The following SLC12A7 variants were observed in gnomAD, a reference collection of about 807,000 sequenced individuals.
SLC12A7 encodes the protein K-Cl cotransporter 4.
SLC12A7 carries 100 observed loss-of-function variants against 120.6 expected under a neutral mutation model. That is an observed-to-expected ratio of 0.83 (90% CI 0.71 to 0.98). The LOEUF (loss-of-function observed/expected upper bound fraction) is 0.98. SLC12A7 is among the 50% of genes least tolerant of loss of function. SLC12A7 has a pLI of 0.00. For missense variants in SLC12A7, 1,373 were observed against 1,548.1 expected (o/e 0.89, Z 1.90); for synonymous variants, 760 against 678.0 (o/e 1.12, Z -1.88).
intron 18 of SLC12A7, among the ~76,000 whole-genome samples, chr5:1,064,534 G>A (rs189700693): frequency 4.5e-4 from 68 of 152,364 alleles, no homozygotes; most frequent in Admixed American, 1.3e-3. Context: ...CAGGGCCAGG[G>A]CCTTCGACAG....
At chr5:1,116,998 G>A (rs1443395027), upstream of SLC12A7, among the ~76,000 whole-genome samples, 1 of 152,194 alleles carries the variant, frequency 6.6e-6, no homozygotes, top group Non-Finnish European at 1.5e-5. Context: ...ACGTCATAAA[G>A]AGCTGGGTTT....
chr5:1,065,449 C>G lies in SLC12A7; in HGVS notation c.2271G>C (p.Lys757Asn). 6.2e-7 allele frequency: 1 copy of G among 1,606,578 alleles called. No individual in the cohort carries two copies. The highest frequency in any genetic ancestry group is 8.5e-7 in the Non-Finnish European group (1 of 1,176,350). ...ENIRSLMSTE[K>N]TKGFCQLVVS... ...CCACCAGCTGGCAGAAGCCCTTGGT[C>G]TTCTCTGTGCTCATTAGGGACCGTA... The change falls in exon 18 of 24, where the codon AAG becomes AAC. Residue 757 changes from lysine (K) to asparagine (N), a missense_variant. By Grantham distance (94) the Lys-to-Asn change is moderately conservative (BLOSUM62 0). Coordinates refer to ENST00000264930, the MANE Select transcript of SLC12A7 (RefSeq NM_006598.3).
In SLC12A7 at chr5:1,081,658, C is replaced by T. The variant is rs1178287747; in HGVS notation, c.1216G>A (p.Ala406Thr). The stretch of plus-strand genomic sequence containing the variant: ...GTGAGCACGTAGGGCAGTGCGCTGG[C>T]ACGGCTCTCCTCTGCCACGGGCACC... Reference protein sequence around the residue: ...PSVPVAEESRASALPYVLTDI... With the variant: ...PSVPVAEESRTSALPYVLTDI... Residue 406 changes from alanine (A) to threonine (T), a missense_variant, in exon 9 of 24, where the codon GCC becomes ACC. Transcript: ENST00000264930. 4 of 1,613,156 alleles carry T rather than the reference C, an allele frequency of 2.5e-6. No homozygotes were observed. The South Asian group carries it at 3.3e-5, about 13-fold the overall frequency.
chr5:1,086,608 C>A (rs1457820886), intron 6 of SLC12A7, among the ~76,000 whole-genome samples: 1 of 152,252 alleles, frequency 6.6e-6, no homozygotes, highest in Non-Finnish European at 1.5e-5. Flanking sequence ...GCTCCGACTG[C>A]AGGACTGCAC....
intron 20 of SLC12A7, among the ~76,000 whole-genome samples, chr5:1,060,941 G>C (rs1417025138): frequency 6.6e-6 from 1 of 151,990 alleles, no homozygotes; most frequent in Non-Finnish European, 1.5e-5. Flanking sequence ...GGACCCCTGC[G>C]CCTCACCCGG....
Position 1,111,957 on chromosome 5 carries a change from G to T in SLC12A7, c.35C>A (p.Ala12Asp). ...CTCGTCCCCGCCGCCGTCGGCGTGA[G>T]CCTCCACGGGCACCACGGTGAAGTT... The part of the protein sequence containing the change: ...PTNFTVVPVE[A>D]HADGGGDETA... Residue 12 changes from alanine to aspartate, a missense_variant, in exon 1 of 24, where the codon GCT becomes GAT. Transcript: ENST00000264930. The T allele has an allele frequency of 1.5e-6, 2 of 1,292,274 alleles. No homozygotes were observed. The highest frequency in any genetic ancestry group is 1.5e-5 in the African/African-American group (1 of 65,714). 80.1% of individuals were successfully genotyped at this position (1,292,274 alleles called of 1,614,324 possible).
At chr5:1,114,669 C>T (rs751539874), upstream of SLC12A7, among the ~76,000 whole-genome samples, 1 of 152,122 alleles carries the variant, frequency 6.6e-6, no homozygotes, top group Admixed American at 6.5e-5. Context: ...GTTGGAGCTG[C>T]ATCTTTCGGT....
At chr5:1,088,849 G>C in intron 4 of SLC12A7, 133 bp downstream of exon 4, 1 of 1,146,954 alleles carries the variant, frequency 8.7e-7, no homozygotes, top group Non-Finnish European at 1.3e-6. Context: ...CGTCTGGGGA[G>C]GGCCCTACTG....
intron 7 of SLC12A7, 26 bp from the exon 8 acceptor site, chr5:1,083,982 C>G (rs373232705): frequency 6.3e-7 from 1 of 1,590,462 alleles, no homozygotes; most frequent in Non-Finnish European, 8.5e-7. Flanking sequence ...AGGCACGGCA[C>G]GTGTGCTGCC....
chr5:1,086,839 C>T lies in SLC12A7; in HGVS notation c.675+64G>A, dbSNP rs987892439. ...TGTGTGTGCCACAGAGTGGGTCAGG[C>T]AGGGCCCCTTGGCATCCTGCCACAG... On this transcript the variant is annotated intron_variant, in intron 6 of 23. Coordinates refer to ENST00000264930, the MANE Select transcript of SLC12A7 (RefSeq NM_006598.3). 28 of 1,588,000 alleles carry T rather than the reference C, an allele frequency of 1.8e-5. No individual in the cohort carries two copies. In the African/African-American group the frequency reaches 3.0e-4, roughly 17 times the overall value.
Position 1,081,684 on chromosome 5 carries a change from G to C in SLC12A7, c.1190C>G (p.Ser397Trp), listed in dbSNP as rs144765191. 1 of 1,612,998 alleles carries C rather than the reference G, an allele frequency of 6.2e-7. No individual in the cohort carries two copies. Among genetic ancestry groups the C allele is most frequent in the Admixed American group, 1.7e-5 (1 of 60,014 alleles). ...GAFVEKKGVP[S>W]VPVAEESRAS... ...ACGGCTCTCCTCTGCCACGGGCACCGAGGGCACACCTTTCTTCTCCACAAA... is the reference window on the plus strand; with the variant it reads ...ACGGCTCTCCTCTGCCACGGGCACCCAGGGCACACCTTTCTTCTCCACAAA... The change falls in exon 9 of 24, where the codon TCG becomes TGG. Residue 397 changes from serine (S) to tryptophan (W), a missense_variant. Physicochemically the swap from Ser to Trp is radical, Grantham distance 177. Coordinates refer to ENST00000264930, the MANE Select transcript of SLC12A7 (RefSeq NM_006598.3).
At chr5:1,069,386 A>G (rs999559590) in intron 17 of SLC12A7, among the ~76,000 whole-genome samples, 21 of 152,216 alleles carry the variant, frequency 1.4e-4, no homozygotes, top group African/African-American at 5.1e-4. Context: ...GTGGTTGTGC[A>G]GAGAAACGGA....
At chr5:1,140,562 A>C in the SLC12A7 span, among the ~76,000 whole-genome samples, 1 of 152,166 alleles carries the variant, frequency 6.6e-6, no homozygotes, top group East Asian at 1.9e-4. Flanking sequence ...GTCATTCTGT[A>C]AACAGGGAGA....
chr5:1,111,944 G>C lies in SLC12A7; in HGVS notation c.48C>G (p.Gly16=). The C allele has an allele frequency of 7.7e-7, 1 of 1,292,958 alleles. No individual in the cohort carries two copies. The highest frequency in any genetic ancestry group is 9.8e-7 in the Non-Finnish European group (1 of 1,020,034). The allele number at this position is 1,292,958 out of a possible 1,614,324, so 80.1% of individuals were successfully genotyped here. A position where few individuals can be genotyped will look rare whatever the true frequency, so the allele number is the denominator to read the frequency against. Residue 16 remains glycine, a synonymous_variant, in exon 1 of 24, where the codon GGC becomes GGG. Transcript: ENST00000264930. ...TCCGCTCGGCAGTCTCGTCCCCGCC[G>C]CCGTCGGCGTGAGCCTCCACGGGCA... is the stretch of plus-strand genomic sequence containing the variant. ...TVVPVEAHAD[G]GGDETAERTE...
rs765936303 is a variant in SLC12A7 at position 1,085,261 on chromosome 5, G to A, written c.888C>T (p.Ile296=). ...TGTCCGGGGGGTCGAAGGCAGACTT[G>A]ATGACGCCGGCATAGATGGCCAGGA... ...LSILAIYAGV[I]KSAFDPPDIP... The change falls in exon 7 of 24, where the codon ATC becomes ATT. Residue 296 remains isoleucine (I), a synonymous_variant. Coordinates refer to ENST00000264930, the MANE Select transcript of SLC12A7 (RefSeq NM_006598.3). 3.1e-5 allele frequency: 50 copies of A among 1,612,448 alleles called. No homozygotes were observed. Among genetic ancestry groups the A allele is most frequent in the East Asian group, 6.7e-5 (3 of 44,884 alleles).
rs748314823 is a variant in SLC12A7, at chr5:1,094,256, G to A, written c.125-8C>T. 135 of 1,601,310 alleles carry A rather than the reference G, an allele frequency of 8.4e-5. No individual in the cohort carries two copies. Among genetic ancestry groups the A allele is most frequent in the Non-Finnish European group, 1.1e-4 (130 of 1,168,940 alleles). ...CTCTTGGATTTCCATCTCCTAGTGA[G>A]GGAAAAACAATTCAGAGTCAGCTTA... On this transcript the variant is annotated splice_polypyrimidine_tract_variant and splice_region_variant and intron_variant, in intron 1 of 23. Transcript: ENST00000264930.
the SLC12A7 span, among the ~76,000 whole-genome samples, chr5:1,141,868 G>A: frequency 6.6e-6 from 1 of 152,214 alleles, no homozygotes; most frequent in Non-Finnish European, 1.5e-5. Context: ...CTTAGTGAGG[G>A]AGAAGTGAAC....
chr5:1,085,713 G>A (rs140083218), intron 6 of SLC12A7, among the ~76,000 whole-genome samples: 4 of 142,858 alleles, frequency 2.8e-5, no homozygotes, highest in African/African-American at 7.4e-5. Context: ...GGCGAGGGAC[G>A]GAGCCCGCGG....
chr5:1,105,832 G>A (rs934079314), intron 1 of SLC12A7, among the ~76,000 whole-genome samples: 3 of 152,100 alleles, frequency 2.0e-5, no homozygotes, highest in Admixed American at 6.5e-5. Context: ...CCCCAGCCCA[G>A]CCCACTGCCC....
Sources: allele counts gnomAD v4.1 joint callset (sites outside exome capture counted in the v4.1 genomes callset), GRCh38; gene constraint gnomAD v4.1.1; transcripts MANE v1.5; gene names NCBI Gene and HGNC (gene_info 2026-07-23, HGNC 2026-07-21).